Variants in PRRG2 observed in about 807,000 individuals in gnomAD.
PRRG2 encodes proline rich and Gla domain 2, also known as transmembrane gamma-carboxyglutamic acid protein 2.
PRRG2 carries 23 observed loss-of-function variants against 27.1 expected under a neutral mutation model. The ratio of observed to expected loss-of-function variants is 0.85; its 90% CI spans 0.61 to 1.20. PRRG2 has a LOEUF of 1.20. Ranked by LOEUF, PRRG2 falls within the 50% of genes most tolerant of loss-of-function variation. PRRG2 has a pLI of 0.00. For missense variants in PRRG2, 276 were observed against 254.8 expected (o/e 1.08, Z -0.57); for synonymous variants, 104 against 103.4 (o/e 1.01, Z -0.03).
chr19:49,589,286 C>T (rs948213327), intron 5 of PRRG2, among the ~76,000 whole-genome samples: 3 of 151,880 alleles, frequency 2.0e-5, no homozygotes, highest in African/African-American at 7.3e-5. Context: ...CTCCACTACG[C>T]CCAGCTAATT....
chr19:49,590,477 C>A lies in PRRG2; in HGVS notation c.*88C>A. On this transcript the variant is annotated 3_prime_UTR_variant, in exon 7 of 7. Transcript: ENST00000246794. ...CCGCTAGGCCTCATAGACGCCGAAG[C>A]TGGACTTGGAGTGGGGAATGGTGGG... 1 of 1,573,854 alleles carries A rather than the reference C, an allele frequency of 6.4e-7. No individual in the cohort carries two copies. The highest frequency in any genetic ancestry group is 8.7e-7 in the Non-Finnish European group (1 of 1,147,486).
chr19:49,590,034 C>T lies in PRRG2; in HGVS notation c.572C>T (p.Pro191Leu), dbSNP rs995890705. 13 of 1,525,144 alleles carry T rather than the reference C, an allele frequency of 8.5e-6. No individual in the cohort carries two copies. The highest frequency in any genetic ancestry group is 1.4e-5 in the African/African-American group (1 of 72,856). 94.5% of individuals were successfully genotyped at this position (1,525,144 alleles called of 1,614,324 possible). The change falls in exon 6 of 7, where the codon CCT (proline) becomes CTT (leucine). Residue 191 changes from proline to leucine, a missense_variant. By Grantham distance (98) the Pro-to-Leu change is moderately conservative. Transcript: ENST00000246794. ...GCAGCCTCTGGGGTACACGACGCAC[C>T]TCCACCCCCCTACACCAGGTATGGG... ...ALAASGVHDA[P>L]PPPYTSLRRP...
At chr19:49,584,546 G>A (rs1200929478) in intron 4 of PRRG2, among the ~76,000 whole-genome samples, 1 of 152,122 alleles carries the variant, frequency 6.6e-6, no homozygotes, top group East Asian at 1.9e-4. Flanking sequence ...TTGGCTCACT[G>A]CAGCCTCAAC....
At chr19:49,585,995 G>A (rs943960946) in intron 4 of PRRG2, among the ~76,000 whole-genome samples, 4 of 141,826 alleles carry the variant, frequency 2.8e-5, no homozygotes, top group African/African-American at 7.9e-5. Context: ...CAGGAGAATC[G>A]TTTGAACCCA....
rs1379569487 is a variant in PRRG2, at chr19:49,583,249, A to C, written c.30A>C (p.Leu10=). The C allele has an allele frequency of 6.2e-7, 1 of 1,614,008 alleles. No homozygotes were observed. The highest frequency in any genetic ancestry group is 1.3e-5 in the African/African-American group (1 of 74,924). MRGHPSLLL[L]YMALTTCLDT... ...GGGGCCACCCCTCTCTGCTGCTGCT[A>C]TATATGGCATTAACCACCTGCCTGG... Residue 10 remains leucine, a synonymous_variant, in exon 2 of 7, where the codon CTA becomes CTC. Coordinates refer to ENST00000246794, the MANE Select transcript of PRRG2 (RefSeq NM_000951.3).
At chr19:49,590,185 G>GGCCC in intron 6 of PRRG2, 133 bp downstream of exon 6, 1 of 1,400,838 alleles carries the variant, frequency 7.1e-7, no homozygotes, top group Non-Finnish European at 9.7e-7. Flanking sequence ...GCGGGGGCGG[G>GGCCC]GCCCCATGCA....
chr19:49,587,479 AT>A (rs1258876937), intron 4 of PRRG2, among the ~76,000 whole-genome samples: 15,762 of 114,652 alleles, frequency 0.14, 1,376 homozygotes, highest in African/African-American at 0.32. Flanking sequence ...AGCCTGGTTA[AT>A]TTTTTTTTTT....
At chr19:49,581,103 A>G (rs926481357), upstream of PRRG2, among the ~76,000 whole-genome samples, 2 of 152,038 alleles carry the variant, frequency 1.3e-5, no homozygotes, top group Non-Finnish European at 2.9e-5. Flanking sequence ...CTAGATATTA[A>G]TTTTTCTAGC....
intron 4 of PRRG2, among the ~76,000 whole-genome samples, chr19:49,587,479 ATTTTTTTT>A (rs1258876937): frequency 1.1e-4 from 13 of 114,650 alleles, no homozygotes; most frequent in Non-Finnish European, 2.1e-4. Flanking sequence ...AGCCTGGTTA[ATTTTTTTT>A]TTTTTTTTTT....
chr19:49,585,806 G>A (rs563330004), intron 4 of PRRG2, among the ~76,000 whole-genome samples: 56 of 151,732 alleles, frequency 3.7e-4, no homozygotes, highest in African/African-American at 1.2e-3. Flanking sequence ...ATGGCTGGGC[G>A]CGGTGGCTCA....
At chr19:49,583,151 C>T (rs2080640589) in intron 1 of PRRG2, 56 bp from the exon 2 acceptor site, 6 of 1,440,080 alleles carry the variant, frequency 4.2e-6, no homozygotes, top group Admixed American at 1.8e-5. Flanking sequence ...CAGAGAGGCA[C>T]TGCCTCATTA....
Position 49,583,529 on chromosome 19 carries a change from T to C in PRRG2, c.86-13T>C. ...ACCCTCCATTTTTCTGTCCCTCATG[T>C]CTTTGGGTCCAGAAGTCTTCCTGGG... On this transcript the variant is annotated splice_polypyrimidine_tract_variant and intron_variant, in intron 2 of 6. Transcript: ENST00000246794. 1 of 1,613,406 alleles carries C rather than the reference T, an allele frequency of 6.2e-7. No individual in the cohort carries two copies. The highest frequency in any genetic ancestry group is 8.5e-7 in the Non-Finnish European group (1 of 1,179,720).
At chr19:49,588,920 G>T (rs1568418039) in intron 5 of PRRG2, among the ~76,000 whole-genome samples, 1 of 152,026 alleles carries the variant, frequency 6.6e-6, no homozygotes, top group Non-Finnish European at 1.5e-5. Context: ...TACGACTCTG[G>T]ATATTGTATC....
At chr19:49,590,240 A>G in intron 6 of PRRG2, 131 bp from the exon 7 acceptor site, 1 of 1,481,864 alleles carries the variant, frequency 6.7e-7, no homozygotes, top group Non-Finnish European at 9.4e-7. Flanking sequence ...GGAGCCGTAT[A>G]GGAGGGTGGG....
chr19:49,587,315 T>C (rs2080678052), intron 4 of PRRG2, among the ~76,000 whole-genome samples: 1 of 146,568 alleles, frequency 6.8e-6, no homozygotes, highest in Non-Finnish European at 1.5e-5. Flanking sequence ...AAGTAGTACA[T>C]GTGACATCCT....
chr19:49,588,080 G>C (rs2080685751), intron 4 of PRRG2, among the ~76,000 whole-genome samples: 1 of 151,942 alleles, frequency 6.6e-6, no homozygotes, highest in South Asian at 2.1e-4. Flanking sequence ...TCCTGTGTCA[G>C]CCTCCCAGAT....
intron 4 of PRRG2, among the ~76,000 whole-genome samples, chr19:49,586,419 C>T (rs2080670391): frequency 6.7e-6 from 1 of 148,920 alleles, no homozygotes; most frequent in Non-Finnish European, 1.5e-5. Flanking sequence ...AGACAGGGTC[C>T]AGTCACCCAG....
rs2080713259 is a variant in PRRG2 at position 49,590,557 on chromosome 19, T to C, written c.*168T>C. 3.3e-6 allele frequency: 3 copies of C among 911,808 alleles called. No homozygotes were observed. The highest frequency in any genetic ancestry group is 2.3e-4 in the Middle Eastern group (1 of 4,284). The allele number at this position is 911,808 out of a possible 1,614,324, so 56.5% of individuals were successfully genotyped here. On this transcript the variant is annotated 3_prime_UTR_variant, in exon 7 of 7. Transcript: ENST00000246794. ...CTGGCACACGCGTTTCCGCCGCGTA[T>C]GGATATACACATGTTTTCGGCAACG...
chr19:49,583,921 T>C lies in PRRG2; in HGVS notation c.270T>C (p.Phe90=), dbSNP rs1449016758. 1.9e-6 allele frequency: 3 copies of C among 1,613,944 alleles called. No individual in the cohort carries two copies. Among genetic ancestry groups the C allele is most frequent in the Non-Finnish European group, 1.7e-6 (2 of 1,179,884 alleles). ...YFEDNTLTER[F]WESYIYNGKG... ...ACTCCTTCCCCCTCAAGGAGCGCTT[T>C]TGGGAGAGCTACATCTACAATGGCA... The change falls in exon 4 of 7, where the codon TTT becomes TTC. Residue 90 remains phenylalanine, a synonymous_variant. Coordinates refer to ENST00000246794, the MANE Select transcript of PRRG2 (RefSeq NM_000951.3).
Sources: gnomAD v4.1 joint callset for allele counts (sites outside exome capture counted in the v4.1 genomes callset) on GRCh38, gnomAD v4.1.1 for gene constraint, MANE v1.5 for transcripts, NCBI Gene and HGNC (gene_info 2026-07-23, HGNC 2026-07-21) for gene names.